Variants in SLC8A2 observed in about 807,000 individuals in gnomAD.
The protein encoded by SLC8A2 is sodium/calcium exchanger 2.
In SLC8A2, 14 loss-of-function variants were observed where a neutral mutation model predicts 70.2. The observed-to-expected ratio is 0.20, with a 90% CI of 0.13 to 0.31. The LOEUF (loss-of-function observed/expected upper bound fraction) is 0.31, where lower values mean the gene tolerates loss of function less well. SLC8A2 is among the 10% of genes least tolerant of loss of function. The probability of loss-of-function intolerance (pLI) is 1.00; values close to 1 mark genes in which losing one functional copy is unlikely to be tolerated. For synonymous variants in SLC8A2, 575 were observed against 594.3 expected (o/e 0.97, Z 0.47); for missense variants, 779 against 1,320.1 (o/e 0.59, Z 6.35).
chr19:47,441,273 G>A lies in SLC8A2; in HGVS notation c.1867+64C>T. On this transcript the variant is annotated intron_variant, in intron 5 of 9. Coordinates refer to ENST00000236877, the MANE Select transcript of SLC8A2 (RefSeq NM_015063.3). ...AGCTTTAAGGAGTGCCTGCAATTGA[G>A]CCCCTGAAAGTCCCCCGACCCTGGA... The A allele has an allele frequency of 1.9e-6, 3 of 1,578,262 alleles. No individual in the cohort carries two copies. In the South Asian group the frequency reaches 3.3e-5, roughly 17 times the overall value.
chr19:47,457,819 TTCTC>T (rs1336041741), intron 2 of SLC8A2, among the ~76,000 whole-genome samples: 4 of 151,408 alleles, frequency 2.6e-5, no homozygotes, highest in Admixed American at 2.0e-4. Context: ...TCTTCCTTCT[TTCTC>T]TCTCTCTTTC....
chr19:47,450,559 C>T (rs1162970526), intron 3 of SLC8A2, among the ~76,000 whole-genome samples: 4 of 152,116 alleles, frequency 2.6e-5, no homozygotes, highest in Non-Finnish European at 5.9e-5. Flanking sequence ...TCCAGTTTTC[C>T]AGCTCTGTGG....
Position 47,441,452 on chromosome 19 carries a change from G to A in SLC8A2, c.1764-12C>T, listed in dbSNP as rs1463206569. 6.4e-7 allele frequency: 1 copy of A among 1,552,886 alleles called. No homozygotes were observed. Among genetic ancestry groups the A allele is most frequent in the East Asian group, 2.3e-5 (1 of 44,378 alleles). ...CCTGAAGAGTTTTCCTGTGCAGGGGGTAAGGGGGAGGCAGAACACTCAGTG... is the reference window on the plus strand; with the variant it reads ...CCTGAAGAGTTTTCCTGTGCAGGGGATAAGGGGGAGGCAGAACACTCAGTG... On this transcript the variant is annotated splice_polypyrimidine_tract_variant and intron_variant, in intron 4 of 9. Coordinates refer to ENST00000236877, the MANE Select transcript of SLC8A2 (RefSeq NM_015063.3).
rs1262456078 is a variant in SLC8A2, at chr19:47,457,343, G to C, written c.927C>G (p.Asp309Glu). ...GPGPAEAREL[D>E]ASRREVIQIL... ...TCTGGATGACCTCGCGGCGGCTGGC[G>C]TCCAGCTCGCGCGCCTCGGCGGGGC... The change falls in exon 3 of 10, where the codon GAC becomes GAG. Residue 309 changes from aspartate (D) to glutamate (E), a missense_variant. Asp to Glu is a conservative substitution (Grantham distance 45, BLOSUM62 2). Coordinates refer to ENST00000236877, the MANE Select transcript of SLC8A2 (RefSeq NM_015063.3). 1 of 1,542,254 alleles carries C rather than the reference G, an allele frequency of 6.5e-7. No individual in the cohort carries two copies. Among genetic ancestry groups the C allele is most frequent in the South Asian group, 1.2e-5 (1 of 82,860 alleles).
At position 47,447,309 on chromosome 19, in the gene SLC8A2, C is replaced by A. The variant is rs1044048371; in HGVS notation, c.1763+500G>T. On this transcript the variant is annotated intron_variant, in intron 4 of 9. Coordinates refer to ENST00000236877, the MANE Select transcript of SLC8A2 (RefSeq NM_015063.3). The surrounding 1 kb of genome is among the most constrained non-coding windows in gnomAD (Gnocchi z 5.1). The stretch of plus-strand genomic sequence containing the variant: ...CATCTCCACAAGCCTCTCCCCACAT[C>A]TCCCTGGGTACTCTTCAGCACACAC... 8.6e-5 allele frequency: 14 copies of A among 161,932 alleles called. No homozygotes were observed. The highest frequency in any genetic ancestry group is 8.3e-4 in the Admixed American group (13 of 15,658). 10.0% of individuals were successfully genotyped at this position (161,932 alleles called of 1,614,324 possible).
chr19:47,441,569 T>G, intron 4 of SLC8A2, 129 bp from the exon 5 acceptor site: 1 of 614,872 alleles, frequency 1.6e-6, no homozygotes, highest in Non-Finnish European at 2.9e-6. Flanking sequence ...ACAATCTCAT[T>G]TACTTCTCAC....
At chr19:47,433,510 C>G (rs552163087) in intron 8 of SLC8A2, among the ~76,000 whole-genome samples, 2 of 152,214 alleles carry the variant, frequency 1.3e-5, no homozygotes, top group African/African-American at 2.4e-5. Context: ...GAGATATAAA[C>G]AGAGGGTTTC....
At chr19:47,437,004 G>A (rs1018269966) in intron 8 of SLC8A2, among the ~76,000 whole-genome samples, 4 of 151,978 alleles carry the variant, frequency 2.6e-5, no homozygotes, top group African/African-American at 9.7e-5. Flanking sequence ...GAACCCTCCC[G>A]GTTCAGCCCA....
chr19:47,460,446 C>CT (rs1296185079), intron 2 of SLC8A2, among the ~76,000 whole-genome samples: 1 of 152,084 alleles, frequency 6.6e-6, no homozygotes, highest in African/African-American at 2.4e-5. Context: ...GCCTGTAATC[C>CT]CAGCACTTTG....
chr19:47,430,890 G>A lies in SLC8A2; in HGVS notation c.2390-425C>T, dbSNP rs1232314321. 6.6e-6 allele frequency among the ~76,000 whole-genome samples: 1 copy of A among 151,958 alleles called. No homozygotes were observed. Among genetic ancestry groups the A allele is most frequent in the African/African-American group, 2.4e-5 (1 of 41,346 alleles). On this transcript the variant is annotated intron_variant, in intron 9 of 9. Transcript: ENST00000236877. The surrounding 1 kb of genome is among the most constrained non-coding windows in gnomAD (Gnocchi z 5.9). The stretch of plus-strand genomic sequence containing the variant: ...ACAGGCGCCCACCACGCCCTGCTAA[G>A]ATTTTGTGTTTTTAGTAGAGACGGG...
In SLC8A2 at chr19:47,466,422, A is replaced by G. The variant is rs1176089212; in HGVS notation, c.-16-3T>C. The stretch of plus-strand genomic sequence containing the variant: ...GAGCCATGGGGGGTGGTGGGGTCCT[A>G]TGGGGGAGGAGGAGGAGGTCTGGGT... On this transcript the variant is annotated splice_polypyrimidine_tract_variant and splice_region_variant and intron_variant, in intron 1 of 9. Coordinates refer to ENST00000236877, the MANE Select transcript of SLC8A2 (RefSeq NM_015063.3). This position sits in a 1 kb window ranked among gnomAD's most constrained non-coding sequence, Gnocchi z 6.9. 2.7e-6 allele frequency: 3 copies of G among 1,114,012 alleles called. No homozygotes were observed. Among genetic ancestry groups the G allele is most frequent in the African/African-American group, 3.1e-5 (2 of 63,636 alleles). 69.0% of individuals were successfully genotyped at this position (1,114,012 alleles called of 1,614,324 possible).
rs769333847 is a variant in SLC8A2 at position 47,432,422 on chromosome 19, C to T, written c.2134G>A (p.Gly712Arg). The T allele has an allele frequency of 5.6e-6, 9 of 1,604,278 alleles. No individual in the cohort carries two copies. Among genetic ancestry groups the T allele is most frequent in the South Asian group, 2.2e-5 (2 of 89,704 alleles). ...GACGGCAGCCGCTCCTCCCGGGACCCGTCCTCCTCCTCCTCCTCGTCCCCT... is the reference window on the plus strand; with the variant it reads ...GACGGCAGCCGCTCCTCCCGGGACCTGTCCTCCTCCTCCTCCTCGTCCCCT... ...SAGDEEEEED[G>R]SREERLPSCF... Residue 712 changes from glycine to arginine, a missense_variant, in exon 9 of 10, where the codon GGG (glycine) becomes AGG (arginine). This residue lies in a region of SLC8A2 where 247 missense variants were observed against 362.8 expected (regional missense o/e 0.68). Coordinates refer to ENST00000236877, the MANE Select transcript of SLC8A2 (RefSeq NM_015063.3). The surrounding 1 kb of genome is among the most constrained non-coding windows in gnomAD (Gnocchi z 6.2).
At chr19:47,458,727 A>T (rs1308109416) in intron 2 of SLC8A2, among the ~76,000 whole-genome samples, 1 of 146,022 alleles carries the variant, frequency 6.8e-6, no homozygotes, top group Non-Finnish European at 1.5e-5. Context: ...ATCCTGGTAG[A>T]TCTCCATCTC....
chr19:47,460,649 A>G (rs1489826818), intron 2 of SLC8A2, among the ~76,000 whole-genome samples: 1 of 151,892 alleles, frequency 6.6e-6, no homozygotes, highest in Non-Finnish European at 1.5e-5. Flanking sequence ...GTGAGCCGAG[A>G]TCACGCCACT....
chr19:47,435,652 G>T (rs1345889664), intron 8 of SLC8A2, among the ~76,000 whole-genome samples: 1 of 151,346 alleles, frequency 6.6e-6, no homozygotes, highest in Non-Finnish European at 1.5e-5. Flanking sequence ...AGGTTCAAGC[G>T]ATTCTCCTGC....
chr19:47,446,150 G>A (rs777469138), intron 4 of SLC8A2, among the ~76,000 whole-genome samples: 3 of 152,186 alleles, frequency 2.0e-5, no homozygotes, highest in Non-Finnish European at 4.4e-5. Context: ...GCTGGGAGGA[G>A]GAGGGAGGGG....
At chr19:47,471,099 A>T (rs1225078598) in intron 1 of SLC8A2, among the ~76,000 whole-genome samples, 5 of 151,486 alleles carry the variant, frequency 3.3e-5, no homozygotes, top group Non-Finnish European at 7.4e-5. Flanking sequence ...ATATCCAGAG[A>T]CAGAGATGGA....
At chr19:47,433,930 C>T (rs188878875) in intron 8 of SLC8A2, among the ~76,000 whole-genome samples, 2 of 152,282 alleles carry the variant, frequency 1.3e-5, no homozygotes, top group East Asian at 1.9e-4. Context: ...AGGTGTCGGC[C>T]ACCGTGCCCA....
Position 47,466,221 on chromosome 19 carries a change from G to T in SLC8A2, c.183C>A (p.Asp61Glu). The change falls in exon 2 of 10, where the codon GAC becomes GAA. Residue 61 changes from aspartate (D) to glutamate (E), a missense_variant. Asp to Glu is a conservative substitution (Grantham distance 45). This residue lies in a region of SLC8A2 where 155 missense variants were observed against 318.6 expected (regional missense o/e 0.49). Coordinates refer to ENST00000236877, the MANE Select transcript of SLC8A2 (RefSeq NM_015063.3). The surrounding 1 kb of genome is among the most constrained non-coding windows in gnomAD (Gnocchi z 6.9). ...CCGCCTTGTCACCCAGCGACGGGTC[G>T]TCGGGCTCCCACACGGGCAGCAGCA... ...PGVLLPVWEPDDPSLGDKAAR... is the reference protein window; with the variant it reads ...PGVLLPVWEPEDPSLGDKAAR... 6.2e-7 allele frequency: 1 copy of T among 1,609,452 alleles called. No individual in the cohort carries two copies. Among genetic ancestry groups the T allele is most frequent in the Non-Finnish European group, 8.5e-7 (1 of 1,176,622 alleles).
Sources: allele counts gnomAD v4.1 joint callset (sites outside exome capture counted in the v4.1 genomes callset), GRCh38; gene constraint gnomAD v4.1.1; regional missense constraint gnomAD v4.1.1; non-coding constraint Gnocchi (gnomAD v3.1); transcripts MANE v1.5; gene names NCBI Gene and HGNC (gene_info 2026-07-23, HGNC 2026-07-21).